FANCL: variants seen among roughly 807,000 people sequenced by gnomAD.
FANCL encodes the protein E3 ubiquitin-protein ligase FANCL.
In FANCL, 69 loss-of-function variants were observed where a neutral mutation model predicts 59.4. The ratio of observed to expected loss-of-function variants is 1.16; its 90% CI spans 0.96 to 1.42. The LOEUF is 1.42. Ranked by LOEUF, FANCL falls within the 40% of genes most tolerant of loss-of-function variation. FANCL has a pLI of 0.00. For synonymous variants in FANCL, 180 were observed against 147.1 expected, an observed-to-expected ratio of 1.22 and a Z score of -1.62; for missense variants, 519 against 447.2, an observed-to-expected ratio of 1.16 and a Z score of -1.45.
At chr2:58,171,076 C>T (rs1479688446) in intron 7 of FANCL, among the ~76,000 whole-genome samples, 1 of 152,178 alleles carries the variant, frequency 6.6e-6, no homozygotes, top group African/African-American at 2.4e-5. Context: ...AACATACATT[C>T]CTCTCAGCAC....
rs369095757 is a variant in FANCL, at chr2:58,229,904, T to C, written c.156-30A>G. 7.3e-6 allele frequency: 11 copies of C among 1,507,146 alleles called. No homozygotes were observed. The African/African-American group carries it at 1.2e-4, about 17-fold the overall frequency. The allele number at this position is 1,507,146 out of a possible 1,614,324, so 93.4% of individuals were successfully genotyped here. ...AATTTTAATGAGACAAAATGGTTTA[T>C]TCATTGTTCAGAATTAAAAACTTAT... On this transcript the variant is annotated intron_variant, in intron 2 of 13. Transcript: ENST00000233741.
At chr2:58,202,000 G>C (rs1455909098) in intron 6 of FANCL, among the ~76,000 whole-genome samples, 1 of 151,566 alleles carries the variant, frequency 6.6e-6, no homozygotes, top group Non-Finnish European at 1.5e-5. Flanking sequence ...TTAAAACTTA[G>C]TTTGGATTAA....
intron 7 of FANCL, among the ~76,000 whole-genome samples, chr2:58,190,758 CATTTA>C (rs1209772698): frequency 6.6e-6 from 1 of 151,888 alleles, no homozygotes; most frequent in Non-Finnish European, 1.5e-5. Flanking sequence ...ACAGTGACAT[CATTTA>C]ATTAATTAAT....
At position 58,229,880 on chromosome 2, in the gene FANCL, A is replaced by C. The variant is rs1156384131; in HGVS notation, c.156-6T>G. 2 of 1,600,600 alleles carry C rather than the reference A, an allele frequency of 1.2e-6. No homozygotes were observed. Among genetic ancestry groups the C allele is most frequent in the South Asian group, 1.1e-5 (1 of 90,782 alleles). On this transcript the variant is annotated splice_region_variant and splice_polypyrimidine_tract_variant and intron_variant, in intron 2 of 13. Transcript: ENST00000233741. ...GCTGCCAACTACATAATAATCTAAA[A>C]TTTTAATGAGACAAAATGGTTTATT...
chr2:58,238,315 A>G (rs1045441477), intron 1 of FANCL, among the ~76,000 whole-genome samples: 1 of 152,206 alleles, frequency 6.6e-6, no homozygotes, highest in African/African-American at 2.4e-5. Context: ...TTGCAAGATC[A>G]TGAGAGATTT....
chr2:58,190,373 A>C (rs1688809554), intron 7 of FANCL, among the ~76,000 whole-genome samples: 1 of 151,874 alleles, frequency 6.6e-6, no homozygotes, highest in Non-Finnish European at 1.5e-5. Context: ...CACTTTTGAA[A>C]AGTGAAAGAA....
intron 3 of FANCL, among the ~76,000 whole-genome samples, chr2:58,227,595 G>A (rs1473836566): frequency 1.3e-5 from 2 of 152,126 alleles, no homozygotes; most frequent in African/African-American, 2.4e-5. Flanking sequence ...ACATGCTCTC[G>A]ATGTCCTCTC....
intron 7 of FANCL, among the ~76,000 whole-genome samples, chr2:58,187,813 C>A (rs896381115): frequency 2.6e-5 from 4 of 152,182 alleles, no homozygotes; most frequent in African/African-American, 7.2e-5. Flanking sequence ...TATTATTGAA[C>A]TTTGAGAGTT....
intron 7 of FANCL, among the ~76,000 whole-genome samples, chr2:58,174,591 G>A (rs1431616478): frequency 6.6e-6 from 1 of 152,044 alleles, no homozygotes; most frequent in African/African-American, 2.4e-5. Context: ...TGAAACCAAC[G>A]AGAACAAAGA....
chr2:58,228,916 C>T (rs1038526140), intron 3 of FANCL, among the ~76,000 whole-genome samples: 1 of 152,012 alleles, frequency 6.6e-6, no homozygotes, highest in African/African-American at 2.4e-5. Context: ...TCAACAGATG[C>T]ATTTCTTAAA....
At chr2:58,229,953 T>G in intron 2 of FANCL, 79 bp from the exon 3 acceptor site, 1 of 954,592 alleles carries the variant, frequency 1.0e-6, no homozygotes, top group Non-Finnish European at 1.7e-6. Context: ...CAAACATGCA[T>G]GTACATACAA....
chr2:58,240,730 T>G (rs2104065226), intron 1 of FANCL, among the ~76,000 whole-genome samples: 1 of 152,288 alleles, frequency 6.6e-6, no homozygotes, highest in Non-Finnish European at 1.5e-5. Context: ...ATTGTAACTG[T>G]GGGTGTACAG....
intron 7 of FANCL, among the ~76,000 whole-genome samples, chr2:58,168,885 G>A (rs1311853639): frequency 6.6e-6 from 1 of 152,178 alleles, no homozygotes; most frequent in African/African-American, 2.4e-5. Flanking sequence ...TCTGTAGCCA[G>A]ACTGCCTCAC....
At chr2:58,204,061 G>T in intron 6 of FANCL, 69 bp downstream of exon 6, 1 of 1,146,938 alleles carries the variant, frequency 8.7e-7, no homozygotes, top group South Asian at 1.2e-5. Flanking sequence ...TCTTTACATT[G>T]AGAGCATTCA....
chr2:58,236,247 G>GA (rs753873754), intron 1 of FANCL, among the ~76,000 whole-genome samples: 35 of 151,542 alleles, frequency 2.3e-4, no homozygotes, highest in Admixed American at 3.9e-4. Context: ...GCAGCCAGAG[G>GA]AAAAAAATAT....
At chr2:58,198,083 G>C (rs1202342138) in intron 7 of FANCL, among the ~76,000 whole-genome samples, 2 of 151,858 alleles carry the variant, frequency 1.3e-5, no homozygotes, top group Non-Finnish European at 2.9e-5. Context: ...GTGTGGGTGT[G>C]AGTGGGTGTG....
intron 4 of FANCL, among the ~76,000 whole-genome samples, chr2:58,225,142 G>A (rs570012187): frequency 7.9e-5 from 12 of 151,266 alleles, no homozygotes; most frequent in African/African-American, 2.9e-4. Flanking sequence ...CCAAAAAAAT[G>A]GGACAATTTA....
chr2:58,186,139 G>T (rs1688382355), intron 7 of FANCL, among the ~76,000 whole-genome samples: 1 of 152,134 alleles, frequency 6.6e-6, no homozygotes. Flanking sequence ...GAAGCCTAGT[G>T]CAGCCTTTGA....
intron 5 of FANCL, among the ~76,000 whole-genome samples, chr2:58,209,482 C>A (rs1417090401): frequency 6.6e-6 from 1 of 151,876 alleles, no homozygotes; most frequent in Admixed American, 6.6e-5. Flanking sequence ...TAACTGAAAA[C>A]CATACTGGTT....
Sources: gnomAD v4.1 joint callset for allele counts (sites outside exome capture counted in the v4.1 genomes callset) on GRCh38, gnomAD v4.1.1 for gene constraint, MANE v1.5 for transcripts, NCBI Gene and HGNC (gene_info 2026-07-23, HGNC 2026-07-21) for gene names.